MYH3: variants seen among roughly 807,000 people sequenced by gnomAD.
The protein encoded by MYH3 is myosin-3.
In MYH3, 130 loss-of-function variants were observed where a neutral mutation model predicts 238.0. That is an observed-to-expected ratio of 0.55 (90% CI 0.47 to 0.63). The LOEUF is 0.63. Among genes scored for constraint, MYH3 ranks in the 30% least tolerant of loss-of-function variants. MYH3 has a pLI of 0.00. For synonymous variants in MYH3, 880 were observed against 924.1 expected (o/e 0.95, Z 0.86); for missense variants, 1,853 against 2,374.9 (o/e 0.78, Z 4.57).
Position 10,645,721 on chromosome 17 carries a change from G to A in MYH3, c.1127C>T (p.Pro376Leu). ...KQKQREEQAEPDGTEVADKTA... is the reference protein window; with the variant it reads ...KQKQREEQAELDGTEVADKTA... ...TGATTTTGTACCTTCTGTGCCATCC[G>A]GCTCGGCCTGCTCCTCTCGCTGCTT... The change falls in exon 12 of 41, where the codon CCG (proline) becomes CTG (leucine). Residue 376 changes from proline to leucine, a missense_variant. By Grantham distance (98) the Pro-to-Leu change is moderately conservative (BLOSUM62 -3). Around this residue, in one of 3 missense-constraint regions of MYH3, gnomAD observed 678 missense variants for 1,058.9 expected, o/e 0.64. Coordinates refer to ENST00000583535, the MANE Select transcript of MYH3 (RefSeq NM_002470.4). The A allele has an allele frequency of 3.1e-6, 5 of 1,612,914 alleles. No homozygotes were observed. Among genetic ancestry groups the A allele is most frequent in the African/African-American group, 1.3e-5 (1 of 74,934 alleles).
chr17:10,655,318 C>G (rs557040774), intron 2 of MYH3, among the ~76,000 whole-genome samples: 1 of 152,200 alleles, frequency 6.6e-6, no homozygotes, highest in Non-Finnish European at 1.5e-5. Context: ...CTATTTAACC[C>G]AAGCTCCTCA....
intron 7 of MYH3, 104 bp downstream of exon 7, chr17:10,649,473 T>G: frequency 1.1e-6 from 1 of 916,000 alleles, no homozygotes. Context: ...CTGTTCTCCA[T>G]TCTCTGAAGA....
Position 10,649,703 on chromosome 17 carries a change from AAG to A in MYH3, c.534-20_534-19del. The A allele has an allele frequency of 6.2e-7, 1 of 1,607,432 alleles. No individual in the cohort carries two copies. Among genetic ancestry groups the A allele is most frequent in the Non-Finnish European group, 8.5e-7 (1 of 1,173,840 alleles). ...ATTCTCCGCTGTACAGAGTGATCAAAAGAGAGAGAAAGAAACAAGTCTGTTAG... is the reference window on the plus strand; with the variant it reads ...ATTCTCCGCTGTACAGAGTGATCAAAAGAGAGAAAGAAACAAGTCTGTTAG... On this transcript the variant is annotated intron_variant, in intron 6 of 40. Transcript: ENST00000583535.
chr17:10,651,698 T>C (rs1567562221), intron 4 of MYH3, 30 bp from the exon 5 acceptor site: 6 of 1,610,248 alleles, frequency 3.7e-6, no homozygotes, highest in Admixed American at 1.7e-5. Context: ...TACGTGCGTA[T>C]ATGTATGTAT....
chr17:10,628,752 T>C lies in MYH3; in HGVS notation c.5797-73A>G, dbSNP rs1040261672. On this transcript the variant is annotated intron_variant, in intron 40 of 40. Transcript: ENST00000583535. Reference sequence around the variant, plus strand: ...ATTCCCACCCACCACTTCTGCCGGCTGGCATCAGAGTTGCTTGCCTACTTC... The same window carrying C: ...ATTCCCACCCACCACTTCTGCCGGCCGGCATCAGAGTTGCTTGCCTACTTC... The C allele has an allele frequency of 6.5e-5, 99 of 1,511,660 alleles. No homozygotes were observed. In the Admixed American group the frequency reaches 1.6e-3, roughly 25 times the overall value. The allele number at this position is 1,511,660 out of a possible 1,614,324, so 93.6% of individuals were successfully genotyped here. A position where few individuals can be genotyped will look rare whatever the true frequency, so the allele number is the denominator to read the frequency against.
the MYH3 span, among the ~76,000 whole-genome samples, chr17:10,665,139 TATTTTTTATTTTTTTATTTTTGAG>T: frequency 7.0e-6 from 1 of 143,556 alleles, no homozygotes; most frequent in Non-Finnish European, 1.6e-5. Context: ...CATTTATTTT[TATTTTTTATTTTTTTATTTTTGAG>T]ATAGAGTCTT....
the MYH3 span, chr17:10,675,200 G>T: frequency 6.6e-6 from 1 of 152,152 alleles, no homozygotes; most frequent in African/African-American, 2.4e-5. Flanking sequence ...CCTAAGTGTG[G>T]CTACTCTGCT....
Position 10,632,447 on chromosome 17 carries a change from A to T in MYH3, c.4956+29T>A, listed in dbSNP as rs1889608668. The T allele has an allele frequency of 8.7e-6, 14 of 1,607,212 alleles. No individual in the cohort carries two copies. In the East Asian group the frequency reaches 3.1e-4, roughly 36 times the overall value. ...ATTTCTGAGTATGTGAGGAGGAGAG[A>T]GGTTTTTCCCCGATGGGTTCTCTCA... is the stretch of plus-strand genomic sequence containing the variant. On this transcript the variant is annotated intron_variant, in intron 34 of 40. Coordinates refer to ENST00000583535, the MANE Select transcript of MYH3 (RefSeq NM_002470.4).
chr17:10,665,117 CCTTT>C, the MYH3 span, among the ~76,000 whole-genome samples: 3 of 151,330 alleles, frequency 2.0e-5, no homozygotes, highest in Admixed American at 1.3e-4. Context: ...TAAGCCATAA[CCTTT>C]ATTTATTCAT....
intron 17 of MYH3, 134 bp from the exon 18 acceptor site, chr17:10,641,506 G>A (rs111338270): frequency 3.2e-5 from 2 of 62,874 alleles, no homozygotes; most frequent in Non-Finnish European, 6.1e-5. Flanking sequence ...ATTTAACTCT[G>A]TCTTTTTTTT....
rs58343499 is a variant in MYH3, at chr17:10,635,384, T to C, written c.4155A>G (p.Glu1385=). The change falls in exon 30 of 41, where the codon GAA becomes GAG. Residue 1385 remains glutamate, a synonymous_variant. Coordinates refer to ENST00000583535, the MANE Select transcript of MYH3 (RefSeq NM_002470.4). The part of the protein sequence containing the change: ...KYETDAIQRT[E]ELEEAKKKLA... The stretch of plus-strand genomic sequence containing the variant: ...CTGCGCACTTGGCCTCCTCCAGCTC[T>C]TCTGTGCGCTGGATGGCGTCCGTCT... 6,727 of 1,614,020 alleles carry C rather than the reference T, an allele frequency of 4.2e-3. 183 individuals are homozygous for C. The African/African-American group carries it at 0.069, about 16-fold the overall frequency.
chr17:10,667,763 C>T, the MYH3 span, among the ~76,000 whole-genome samples: 396 of 143,308 alleles, frequency 2.8e-3, 5 homozygotes, highest in African/African-American at 9.2e-3. Flanking sequence ...AAAAAAAAAA[C>T]AGTGTTCTGG....
chr17:10,669,751 A>G, the MYH3 span, among the ~76,000 whole-genome samples: 7 of 152,082 alleles, frequency 4.6e-5, no homozygotes, highest in African/African-American at 1.7e-4. Context: ...AAAAAATAAA[A>G]AACAAAAAAA....
the MYH3 span, among the ~76,000 whole-genome samples, chr17:10,666,416 C>CA: frequency 1.5e-4 from 14 of 95,944 alleles, no homozygotes; most frequent in East Asian, 4.6e-4. Context: ...CTTGTCTCTA[C>CA]AAAAAAAAAC....
At chr17:10,655,468 TCAAAGAGAGTGTGCTA>T (rs2074419028) in intron 2 of MYH3, among the ~76,000 whole-genome samples, 1 of 152,332 alleles carries the variant, frequency 6.6e-6, no homozygotes, top group Non-Finnish European at 1.5e-5. Context: ...AACGCCATCT[TCAAAGAGAGTGTGCTA>T]ATGGCAAACA....
Position 10,634,734 on chromosome 17 carries a change from C to T in MYH3, c.4356+106G>A, listed in dbSNP as rs984621307. 1.6e-5 allele frequency: 23 copies of T among 1,405,524 alleles called. No individual in the cohort carries two copies. The South Asian group carries it at 2.4e-4, about 15-fold the overall frequency. 87.1% of individuals were successfully genotyped at this position (1,405,524 alleles called of 1,614,324 possible). A position where few individuals can be genotyped will look rare whatever the true frequency, so the allele number is the denominator to read the frequency against. On this transcript the variant is annotated intron_variant, in intron 31 of 40. Transcript: ENST00000583535. Reference sequence around the variant, plus strand: ...GTTCAGGGACTTGCCCAAGGCCACACTGCTGGTGAGGGCAGAGTCAGGTCC... The same window carrying T: ...GTTCAGGGACTTGCCCAAGGCCACATTGCTGGTGAGGGCAGAGTCAGGTCC...
the MYH3 span, chr17:10,672,737 CTTAA>C: frequency 2.0e-5 from 3 of 152,208 alleles, no homozygotes; most frequent in Non-Finnish European, 2.9e-5. Context: ...AAACTATTTT[CTTAA>C]TTAATAGCTC....
At chr17:10,662,395 A>G in the MYH3 span, among the ~76,000 whole-genome samples, 1 of 152,120 alleles carries the variant, frequency 6.6e-6, no homozygotes, top group Non-Finnish European at 1.5e-5. Flanking sequence ...CCCATATCTA[A>G]ATGCGACCAC....
upstream of MYH3, among the ~76,000 whole-genome samples, chr17:10,661,152 T>C (rs1218939948): frequency 4.6e-5 from 7 of 151,692 alleles, no homozygotes. Context: ...AATTTTTGTA[T>C]TTTTAGTAAA....
Sources: gnomAD v4.1 joint callset for allele counts (sites outside exome capture counted in the v4.1 genomes callset) on GRCh38, gnomAD v4.1.1 for gene constraint, gnomAD v4.1.1 regional missense constraint, MANE v1.5 for transcripts, NCBI Gene and HGNC (gene_info 2026-07-23, HGNC 2026-07-21) for gene names.